CORO7: variants seen among roughly 807,000 people sequenced by gnomAD.
The protein encoded by CORO7 is coronin 7.
In CORO7, 107 loss-of-function variants were observed where a neutral mutation model predicts 126.6. The observed-to-expected ratio is 0.85, with a 90% CI of 0.72 to 0.99. The LOEUF (loss-of-function observed/expected upper bound fraction) is 0.99. Ranked by LOEUF, CORO7 falls within the 50% of genes least tolerant of loss-of-function variation. The pLI is 0.00. For missense variants in CORO7, 1,314 were observed against 1,255.8 expected (o/e 1.05, Z -0.70); for synonymous variants, 603 against 536.8 (o/e 1.12, Z -1.70).
At chr16:4,386,048 C>T (rs1450978268) in intron 9 of CORO7, among the ~76,000 whole-genome samples, 2 of 152,206 alleles carry the variant, frequency 1.3e-5, no homozygotes, top group Non-Finnish European at 2.9e-5. Flanking sequence ...TCCAGGACGC[C>T]TGGGGGTGCA....
chr16:4,399,724 C>T (rs1025189450), intron 6 of CORO7, among the ~76,000 whole-genome samples: 1 of 151,958 alleles, frequency 6.6e-6, no homozygotes, highest in Admixed American at 6.6e-5. Flanking sequence ...ATCCCTGTCG[C>T]TACAGAAAAT....
At chr16:4,355,217 G>A (rs776760423) in intron 27 of CORO7, 54 bp from the exon 28 acceptor site, 15 of 1,590,112 alleles carry the variant, frequency 9.4e-6, no homozygotes, top group East Asian at 2.3e-5. Flanking sequence ...GGGAAGGGAG[G>A]AGGCATGCAC....
At chr16:4,409,078 G>C (rs910865159) in intron 3 of CORO7, among the ~76,000 whole-genome samples, 6 of 152,162 alleles carry the variant, frequency 3.9e-5, no homozygotes, top group African/African-American at 1.2e-4. Flanking sequence ...TGGGGAGGTA[G>C]AGACTAGGCA....
At chr16:4,384,054 C>T (rs535528803) in intron 9 of CORO7, among the ~76,000 whole-genome samples, 53 of 152,390 alleles carry the variant, frequency 3.5e-4, no homozygotes, top group African/African-American at 1.1e-3. Context: ...ATCCTGCTCC[C>T]TGCCTCCTGC....
intron 9 of CORO7, among the ~76,000 whole-genome samples, chr16:4,374,252 C>T (rs948219982): frequency 1.3e-5 from 2 of 152,128 alleles, no homozygotes; most frequent in Admixed American, 1.3e-4. Flanking sequence ...CAGCCTCCTT[C>T]CTTTTATCGG....
At position 4,399,489 on chromosome 16, in the gene CORO7, C is replaced by T. The variant is rs149578083; in HGVS notation, c.565-4150G>A. ...AAGTGGAATGCCAATTCCTAGGGGC[C>T]GGGAGGTAGGGCAAAGGGGAACTGC... On this transcript the variant is annotated intron_variant, in intron 6 of 27. Coordinates refer to ENST00000251166, the MANE Select transcript of CORO7 (RefSeq NM_024535.5). 4.6e-3 allele frequency among the ~76,000 whole-genome samples: 694 copies of T among 152,156 alleles called. 3 individuals are homozygous for T. The highest frequency in any genetic ancestry group is 0.016 in the African/African-American group (664 of 41,498).
At chr16:4,381,039 G>A (rs377058440) in intron 9 of CORO7, 28 of 1,610,422 alleles carry the variant, frequency 1.7e-5, no homozygotes, top group East Asian at 6.7e-5. Flanking sequence ...CACCCGACAC[G>A]GTGGGGCTGT....
In CORO7 at chr16:4,392,260, G is replaced by A. The variant is rs79668276; in HGVS notation, c.615+3029C>T. Among the ~76,000 whole-genome samples, 1,261 of 152,290 alleles carry A rather than the reference G, an allele frequency of 8.3e-3. 13 individuals carry two copies. Among genetic ancestry groups the A allele is most frequent in the Middle Eastern group, 0.031 (9 of 294 alleles). ...AGCTGGGCCGGTTGTAAAGGGAAGG[G>A]GCGGCAGTGGGGGTCCTGGGGGTTC... On this transcript the variant is annotated intron_variant, in intron 7 of 27. Transcript: ENST00000251166.
At chr16:4,378,994 C>T (rs2054855691) in intron 9 of CORO7, among the ~76,000 whole-genome samples, 1 of 152,040 alleles carries the variant, frequency 6.6e-6, no homozygotes, top group Non-Finnish European at 1.5e-5. Context: ...TCCTTCACCT[C>T]GAGCTACCCG....
chr16:4,369,277 G>C (rs1299823699), intron 9 of CORO7, among the ~76,000 whole-genome samples: 1 of 152,296 alleles, frequency 6.6e-6, no homozygotes. Flanking sequence ...CAGCCCCAAA[G>C]GTTGGCCAAG....
chr16:4,407,771 T>C, intron 4 of CORO7, 87 bp from the exon 5 acceptor site: 1 of 1,443,400 alleles, frequency 6.9e-7, no homozygotes, highest in South Asian at 1.5e-5. Flanking sequence ...GGTCCCGTGT[T>C]GGAACTAGGC....
chr16:4,388,680 G>T, intron 7 of CORO7, 49 bp from the exon 8 acceptor site: 1 of 1,574,596 alleles, frequency 6.4e-7, no homozygotes, highest in African/African-American at 1.3e-5. Flanking sequence ...CTGCTGGTGG[G>T]CGGGGCCCCC....
intron 9 of CORO7, among the ~76,000 whole-genome samples, chr16:4,383,844 T>C (rs551253468): frequency 6.6e-6 from 1 of 152,312 alleles, no homozygotes; most frequent in South Asian, 2.1e-4. Flanking sequence ...GGTGAGTCCC[T>C]TGTGGGTTGG....
chr16:4,365,131 T>TC, intron 10 of CORO7, 71 bp from the exon 11 acceptor site: 1 of 1,545,564 alleles, frequency 6.5e-7, no homozygotes, highest in Non-Finnish European at 8.7e-7. Flanking sequence ...TGGCATCAGC[T>TC]CCCCCACAGG....
At chr16:4,376,542 G>GC (rs946049133) in intron 9 of CORO7, among the ~76,000 whole-genome samples, 2 of 152,144 alleles carry the variant, frequency 1.3e-5, no homozygotes, top group Non-Finnish European at 2.9e-5. Context: ...CACACCGCCT[G>GC]CCCCAGAATC....
chr16:4,390,051 T>G (rs2055333321), intron 7 of CORO7, among the ~76,000 whole-genome samples: 1 of 152,114 alleles, frequency 6.6e-6, no homozygotes, highest in Admixed American at 6.5e-5. Context: ...ACATGGTGAA[T>G]AAAATGGGGA....
intron 9 of CORO7, chr16:4,387,749 A>G (rs2055243169): frequency 5.2e-6 from 3 of 580,028 alleles, no homozygotes; most frequent in Non-Finnish European, 9.2e-6. Context: ...TCTGGTGACC[A>G]AGGGCCCACT....
chr16:4,386,564 G>A (rs969626882), intron 9 of CORO7, among the ~76,000 whole-genome samples: 2 of 152,188 alleles, frequency 1.3e-5, no homozygotes, highest in Non-Finnish European at 2.9e-5. Flanking sequence ...GAGTCTGAAG[G>A]CCCGGGAGCT....
At chr16:4,382,544 C>T in intron 9 of CORO7, 1 of 1,592,938 alleles carries the variant, frequency 6.3e-7, no homozygotes, top group Non-Finnish European at 8.5e-7. Context: ...GCCCATACAC[C>T]CCCAGCCGTC....
Sources: gnomAD v4.1 joint callset for allele counts (sites outside exome capture counted in the v4.1 genomes callset) on GRCh38, gnomAD v4.1.1 for gene constraint, MANE v1.5 for transcripts, NCBI Gene and HGNC (gene_info 2026-07-23, HGNC 2026-07-21) for gene names.